Variants in HSPB1 observed in about 807,000 individuals in gnomAD.
The protein encoded by HSPB1 is heat shock protein family B (small) member 1.
HSPB1 carries 19 observed loss-of-function variants against 17.0 expected under a neutral mutation model. The ratio of observed to expected loss-of-function variants is 1.12; its 90% CI spans 0.78 to 1.64. The LOEUF (loss-of-function observed/expected upper bound fraction) is 1.64, where lower values mean the gene tolerates loss of function less well. HSPB1 is among the 40% of genes most tolerant of loss of function. The probability of loss-of-function intolerance (pLI) is 0.00; values close to 1 mark genes in which losing one functional copy is unlikely to be tolerated. For synonymous variants in HSPB1, 165 were observed against 129.8 expected, an observed-to-expected ratio of 1.27 and a Z score of -1.84; for missense variants, 348 against 289.2, an observed-to-expected ratio of 1.20 and a Z score of -1.47.
Position 76,302,847 on chromosome 7 carries a change from G to T in HSPB1, c.135G>T (p.Trp45Cys), listed in dbSNP as rs1436614187. 2 of 1,598,020 alleles carry T rather than the reference G, an allele frequency of 1.3e-6. No homozygotes were observed. The highest frequency in any genetic ancestry group is 8.5e-7 in the Non-Finnish European group (1 of 1,175,784). ...LPRLPEEWSQWLGGSSWPGYV... is the reference protein window; with the variant it reads ...LPRLPEEWSQCLGGSSWPGYV... Reference sequence around the variant, plus strand: ...GGCTGCCGGAGGAGTGGTCGCAGTGGTTAGGCGGCAGCAGCTGGCCAGGCT... The same window carrying T: ...GGCTGCCGGAGGAGTGGTCGCAGTGTTTAGGCGGCAGCAGCTGGCCAGGCT... The change falls in exon 1 of 3, where the codon TGG (tryptophan) becomes TGT (cysteine). Residue 45 changes from tryptophan to cysteine, a missense_variant. By Grantham distance (215) the Trp-to-Cys change is radical. Coordinates refer to ENST00000248553, the MANE Select transcript of HSPB1 (RefSeq NM_001540.5).
At position 76,303,110 on chromosome 7, in the gene HSPB1, A is replaced by C. The variant is rs34957294; in HGVS notation, c.364+34A>C. Reference sequence around the variant, plus strand: ...CCCTGCTCCTGCAGGGGAGAGGAGGAGGCTAGCAGGGCGGGCAGGGCCGGG... The same window carrying C: ...CCCTGCTCCTGCAGGGGAGAGGAGGCGGCTAGCAGGGCGGGCAGGGCCGGG... On this transcript the variant is annotated intron_variant, in intron 1 of 2. Transcript: ENST00000248553. The C allele has an allele frequency of 7.1e-3, 10,710 of 1,498,258 alleles. 108 individuals are homozygous for C. Among genetic ancestry groups the C allele is most frequent in the African/African-American group, 0.04 (2,867 of 72,026 alleles). 92.8% of individuals were successfully genotyped at this position (1,498,258 alleles called of 1,614,324 possible). A position where few individuals can be genotyped will look rare whatever the true frequency, so the allele number is the denominator to read the frequency against.
At position 76,302,712 on chromosome 7, in the gene HSPB1, C is replaced by G. The variant is rs904157179; in HGVS notation, c.-1C>G. On this transcript the variant is annotated 5_prime_UTR_variant, in exon 1 of 3. Coordinates refer to ENST00000248553, the MANE Select transcript of HSPB1 (RefSeq NM_001540.5). Reference sequence around the variant, plus strand: ...AGACGTCCAGAGCAGAGTCAGCCAGCATGACCGAGCGCCGCGTCCCCTTCT... The same window carrying G: ...AGACGTCCAGAGCAGAGTCAGCCAGGATGACCGAGCGCCGCGTCCCCTTCT... 1.4e-5 allele frequency: 22 copies of G among 1,601,246 alleles called. No homozygotes were observed. The highest frequency in any genetic ancestry group is 1.9e-5 in the Non-Finnish European group (22 of 1,179,862).
In HSPB1 at chr7:76,303,034, G is replaced by A. The variant is rs950248928; in HGVS notation, c.322G>A (p.Glu108Lys). ...SLDVNHFAPD[E>K]LTVKTKDGVV... ...GGATGTCAACCACTTCGCCCCGGAC[G>A]AGCTGACGGTCAAGACCAAGGATGG... The change falls in exon 1 of 3, where the codon GAG becomes AAG. Residue 108 changes from glutamate to lysine, a missense_variant. By Grantham distance (56) the Glu-to-Lys change is moderately conservative. Coordinates refer to ENST00000248553, the MANE Select transcript of HSPB1 (RefSeq NM_001540.5). 1.9e-6 allele frequency: 3 copies of A among 1,542,092 alleles called. No homozygotes were observed. Among genetic ancestry groups the A allele is most frequent in the African/African-American group, 1.4e-5 (1 of 73,682 alleles).
Position 76,304,230 on chromosome 7 carries a change from C to T in HSPB1, c.*57C>T. On this transcript the variant is annotated 3_prime_UTR_variant, in exon 3 of 3. Coordinates refer to ENST00000248553, the MANE Select transcript of HSPB1 (RefSeq NM_001540.5). ...GCCACTGGCTGTGCCTCCCCCGCCA[C>T]CTGTGTGTTCTTTTGATACATTTAT... is the stretch of plus-strand genomic sequence containing the variant. The T allele has an allele frequency of 1.4e-6, 2 of 1,458,292 alleles. No homozygotes were observed. The highest frequency in any genetic ancestry group is 1.9e-6 in the Non-Finnish European group (2 of 1,054,100). 90.3% of individuals were successfully genotyped at this position (1,458,292 alleles called of 1,614,324 possible).
chr7:76,302,895 C>A lies in HSPB1; in HGVS notation c.183C>A (p.Ala61=), dbSNP rs760506471. 2.6e-6 allele frequency: 4 copies of A among 1,556,058 alleles called. No homozygotes were observed. In the South Asian group the frequency reaches 4.6e-5, roughly 18 times the overall value. ...GCTACGTGCGCCCCCTGCCCCCCGC[C>A]GCCATCGAGAGCCCCGCAGTGGCCG... ...WPGYVRPLPP[A]AIESPAVAAP... Residue 61 remains alanine (A), a synonymous_variant, in exon 1 of 3, where the codon GCC becomes GCA. Coordinates refer to ENST00000248553, the MANE Select transcript of HSPB1 (RefSeq NM_001540.5).
At chr7:76,303,888 G>C (rs370751385) in intron 2 of HSPB1, 23 bp downstream of exon 2, 1 of 1,599,044 alleles carries the variant, frequency 6.3e-7, no homozygotes, top group Admixed American at 1.7e-5. Flanking sequence ...GCCAGGTCGG[G>C]GTGGGTGGGT....
intron 1 of HSPB1, chr7:76,303,479 C>T (rs1249561526): frequency 1.8e-5 from 10 of 554,548 alleles, no homozygotes; most frequent in Non-Finnish European, 2.9e-5. Flanking sequence ...CAGCCCCATC[C>T]CCAGATAAGC....
chr7:76,303,655 G>A (rs1198760780), intron 1 of HSPB1, 147 bp from the exon 2 acceptor site: 2 of 662,744 alleles, frequency 3.0e-6, no homozygotes, highest in African/African-American at 1.8e-5. Context: ...CCAGACCGGC[G>A]GGCACGCCCC....
Position 76,302,925 on chromosome 7 carries a change from C to T in HSPB1, c.213C>T (p.Pro71=). The change falls in exon 1 of 3, where the codon CCC becomes CCT. Residue 71 remains proline, a synonymous_variant. Transcript: ENST00000248553. ...AAIESPAVAA[P]AYSRALSRQL... ...TCGAGAGCCCCGCAGTGGCCGCGCC[C>T]GCCTACAGCCGCGCGCTCAGCCGGC... The T allele has an allele frequency of 6.5e-7, 1 of 1,544,698 alleles. No individual in the cohort carries two copies. Among genetic ancestry groups the T allele is most frequent in the Non-Finnish European group, 8.7e-7 (1 of 1,150,654 alleles).
At chr7:76,303,728 G>C in intron 1 of HSPB1, 74 bp from the exon 2 acceptor site, 1 of 1,341,118 alleles carries the variant, frequency 7.5e-7, no homozygotes, top group Non-Finnish European at 1.1e-6. Context: ...CAAGCAGGAG[G>C]TGGGGCCTCT....
rs1803078031 is a variant in HSPB1, at chr7:76,304,207, C to T, written c.*34C>T. On this transcript the variant is annotated 3_prime_UTR_variant, in exon 3 of 3. Coordinates refer to ENST00000248553, the MANE Select transcript of HSPB1 (RefSeq NM_001540.5). ...CCCGGATGCCCACCCCTGCTGCCGCCACTGGCTGTGCCTCCCCCGCCACCT... is the reference window on the plus strand; with the variant it reads ...CCCGGATGCCCACCCCTGCTGCCGCTACTGGCTGTGCCTCCCCCGCCACCT... 1 of 1,577,982 alleles carries T rather than the reference C, an allele frequency of 6.3e-7. No individual in the cohort carries two copies. The highest frequency in any genetic ancestry group is 2.3e-5 in the East Asian group (1 of 43,190).
At chr7:76,303,235 G>T in intron 1 of HSPB1, 159 bp downstream of exon 1, 6 of 905,748 alleles carry the variant, frequency 6.6e-6, no homozygotes, top group Non-Finnish European at 9.8e-6. Context: ...CAGGAATTGG[G>T]AGTGCGGGTC....
chr7:76,303,688 T>G (rs1427549301), intron 1 of HSPB1, 114 bp from the exon 2 acceptor site: 20 of 804,046 alleles, frequency 2.5e-5, no homozygotes, highest in Admixed American at 5.8e-5. Flanking sequence ...CCTCTGTTAA[T>G]CCCTACCAGC....
intron 2 of HSPB1, 36 bp downstream of exon 2, chr7:76,303,901 CGTGGGG>C (rs778686522): frequency 1.2e-5 from 7 of 573,806 alleles, no homozygotes; most frequent in South Asian, 4.2e-5. Context: ...GGGTGGGTGG[CGTGGGG>C]GTGGGGTCAG....
chr7:76,303,956 C>A lies in HSPB1; in HGVS notation c.429-28C>A. The A allele has an allele frequency of 2.5e-6, 4 of 1,612,926 alleles. No homozygotes were observed. In the South Asian group the frequency reaches 3.3e-5, roughly 13 times the overall value. On this transcript the variant is annotated intron_variant, in intron 2 of 2. Transcript: ENST00000248553. ...GGGACCCACCCGGTGTGTAATGTAA[C>A]GCTTGCCTTTCCTCTCTGCACGTCC...
intron 1 of HSPB1, chr7:76,303,420 T>G: frequency 2.2e-6 from 1 of 451,474 alleles, no homozygotes; most frequent in Non-Finnish European, 3.9e-6. Flanking sequence ...TTAAAGATCA[T>G]CGATGAAGAG....
chr7:76,303,265 G>C, intron 1 of HSPB1, 189 bp downstream of exon 1: 1 of 664,812 alleles, frequency 1.5e-6, no homozygotes, highest in Non-Finnish European at 2.5e-6. Context: ...GGCGCTTTCT[G>C]CTCTGTAATC....
intron 1 of HSPB1, 141 bp from the exon 2 acceptor site, chr7:76,303,661 G>T: frequency 1.5e-6 from 1 of 661,958 alleles, no homozygotes; most frequent in Non-Finnish European, 2.8e-6. Context: ...CGGCGGGCAC[G>T]CCCCCATCCC....
At position 76,303,977 on chromosome 7, in the gene HSPB1, C is replaced by G. The variant is rs375972376; in HGVS notation, c.429-7C>G. 6.8e-6 allele frequency: 11 copies of G among 1,613,560 alleles called. 1 individual carries two copies. The South Asian group carries it at 1.2e-4, about 18-fold the overall frequency. On this transcript the variant is annotated splice_region_variant and splice_polypyrimidine_tract_variant and intron_variant, in intron 2 of 2. Transcript: ENST00000248553. ...GTAACGCTTGCCTTTCCTCTCTGCA[C>G]GTCCAGGCTGCCCCCCGGTGTGGAC...
Sources: allele counts gnomAD v4.1 joint callset, GRCh38; gene constraint gnomAD v4.1.1; transcripts MANE v1.5; gene names NCBI Gene and HGNC (gene_info 2026-07-23, HGNC 2026-07-21).